NMT2: variants seen among roughly 807,000 people sequenced by gnomAD.
NMT2 encodes the protein glycylpeptide N-tetradecanoyltransferase 2.
NMT2 carries 35 observed loss-of-function variants against 65.4 expected under a neutral mutation model. The observed-to-expected ratio is 0.54, with a 90% CI of 0.41 to 0.71. NMT2 has a LOEUF of 0.71. Ranked by LOEUF, NMT2 falls within the 30% of genes least tolerant of loss-of-function variation. NMT2 has a pLI of 0.00. For synonymous variants in NMT2, 226 were observed against 231.8 expected, an observed-to-expected ratio of 0.98 and a Z score of 0.23; for missense variants, 489 against 611.3, an observed-to-expected ratio of 0.80 and a Z score of 2.11.
chr10:15,149,705 C>T (rs1199057526), intron 1 of NMT2, among the ~76,000 whole-genome samples: 1 of 151,998 alleles, frequency 6.6e-6, no homozygotes, highest in Non-Finnish European at 1.5e-5. Flanking sequence ...CTGTCACACT[C>T]GGAGGTAAGT....
chr10:15,130,786 CTT>C (rs765987022), intron 6 of NMT2, among the ~76,000 whole-genome samples: 2,670 of 100,984 alleles, frequency 0.026, 12 homozygotes, highest in African/African-American at 0.058. Flanking sequence ...TTCTTTCTTT[CTT>C]TTTTTTTTTT....
chr10:15,149,961 G>T (rs145204713), intron 1 of NMT2, among the ~76,000 whole-genome samples: 4 of 152,070 alleles, frequency 2.6e-5, no homozygotes, highest in African/African-American at 7.2e-5. Context: ...GCCTAATTGC[G>T]ATCTTTGGAC....
chr10:15,158,296 A>G (rs893123294), intron 1 of NMT2, among the ~76,000 whole-genome samples: 2 of 151,420 alleles, frequency 1.3e-5, no homozygotes, highest in Admixed American at 6.6e-5. Flanking sequence ...AGCCTGGGTA[A>G]CAGAGAGATA....
In NMT2 at chr10:15,109,789, GA is replaced by G; in HGVS notation, c.1388del (p.Phe463SerfsTer9). On this transcript the variant is annotated frameshift_variant, in exon 11 of 12. Coordinates refer to ENST00000378165, the MANE Select transcript of NMT2 (RefSeq NM_004808.3). LOFTEE classifies it high-confidence loss of function. ...NALDLMENKT[F>X]LEKLKFGIGD... is the part of the protein sequence containing the mutation. ...CTATACCAAACTTGAGTTTTTCCAA[GA>G]ATGTCTTATTTTCCATCAAATCCAG... 1.2e-6 allele frequency: 2 copies of G among 1,613,304 alleles called. No homozygotes were observed. Among genetic ancestry groups the G allele is most frequent in the Non-Finnish European group, 1.7e-6 (2 of 1,179,578 alleles).
chr10:15,149,640 A>G (rs1295953737), intron 1 of NMT2, among the ~76,000 whole-genome samples: 1 of 146,846 alleles, frequency 6.8e-6, no homozygotes, highest in East Asian at 2.0e-4. Context: ...ACTTCGCAAC[A>G]CTTACTATGT....
At chr10:15,164,023 C>T (rs1351361780) in intron 1 of NMT2, among the ~76,000 whole-genome samples, 1 of 151,664 alleles carries the variant, frequency 6.6e-6, no homozygotes, top group Non-Finnish European at 1.5e-5. Flanking sequence ...ACTAAAAATA[C>T]AAAAAAATTA....
chr10:15,135,474 T>G lies in NMT2; in HGVS notation c.247-56A>C. ...AGAGAGCGGCTGCTGATGTTAAACT[T>G]GAGCAGACGCACGTGCATCTGCCTC... is the stretch of plus-strand genomic sequence containing the variant. On this transcript the variant is annotated intron_variant, in intron 2 of 11. Coordinates refer to ENST00000378165, the MANE Select transcript of NMT2 (RefSeq NM_004808.3). 3 of 1,586,872 alleles carry G rather than the reference T, an allele frequency of 1.9e-6. No homozygotes were observed. The South Asian group carries it at 3.3e-5, about 18-fold the overall frequency.
At chr10:15,113,459 G>C (rs1845635787) in intron 9 of NMT2, among the ~76,000 whole-genome samples, 1 of 56,444 alleles carries the variant, frequency 1.8e-5, no homozygotes, top group Non-Finnish European at 2.7e-5. Flanking sequence ...GACAGGATGA[G>C]ACTCAAAAAA....
chr10:15,154,673 A>T (rs1441328769), intron 1 of NMT2: 2 of 437,606 alleles, frequency 4.6e-6, no homozygotes, highest in African/African-American at 2.0e-5. Flanking sequence ...AAAACATGGA[A>T]CCCAAAGGGA....
chr10:15,123,531 GAAAAAAAAAAAA>G (rs775699014), intron 8 of NMT2, among the ~76,000 whole-genome samples: 4 of 52,532 alleles, frequency 7.6e-5, no homozygotes, highest in Admixed American at 2.7e-4. Context: ...TCGTCTCACA[GAAAAAAAAAAAA>G]AAAAAAAAAA....
chr10:15,127,080 C>T (rs1487701962), intron 8 of NMT2, among the ~76,000 whole-genome samples: 1 of 149,696 alleles, frequency 6.7e-6, no homozygotes, highest in African/African-American at 2.5e-5. Context: ...ACTAAAAATA[C>T]AAAAATCAGT....
At chr10:15,151,881 C>G (rs1401123401) in intron 1 of NMT2, among the ~76,000 whole-genome samples, 1 of 152,162 alleles carries the variant, frequency 6.6e-6, no homozygotes, top group Non-Finnish European at 1.5e-5. Context: ...AAAAAACTAG[C>G]TGGGTGTGGT....
chr10:15,161,081 CAAAAAAA>C (rs750859200), intron 1 of NMT2, among the ~76,000 whole-genome samples: 5 of 19,274 alleles, frequency 2.6e-4, no homozygotes, highest in African/African-American at 7.0e-4. Flanking sequence ...CCTCAAAAAT[CAAAAAAA>C]AAAAAAAAAA....
At chr10:15,161,165 T>C (rs1833184082) in intron 1 of NMT2, among the ~76,000 whole-genome samples, 1 of 147,904 alleles carries the variant, frequency 6.8e-6, no homozygotes, top group Non-Finnish European at 1.5e-5. Context: ...AAAACGTTTA[T>C]GGAGTTTCAA....
chr10:15,127,199 C>A, intron 8 of NMT2, among the ~76,000 whole-genome samples: 1 of 151,582 alleles, frequency 6.6e-6, no homozygotes, highest in Non-Finnish European at 1.5e-5. Flanking sequence ...CCAGCCACTG[C>A]ACTCCAGCCT....
chr10:15,140,146 T>TTGAC (rs1288092903), intron 2 of NMT2, among the ~76,000 whole-genome samples: 3 of 151,942 alleles, frequency 2.0e-5, no homozygotes, highest in Admixed American at 1.3e-4. Context: ...GATTGATTGA[T>TTGAC]TGACATGGTC....
At chr10:15,163,786 G>A (rs1362060668) in intron 1 of NMT2, among the ~76,000 whole-genome samples, 1 of 152,158 alleles carries the variant, frequency 6.6e-6, no homozygotes, top group Non-Finnish European at 1.5e-5. Context: ...CCTAAATTGG[G>A]GATGGTAGAA....
intron 1 of NMT2, among the ~76,000 whole-genome samples, chr10:15,163,689 G>C (rs1833276858): frequency 6.6e-6 from 1 of 152,120 alleles, no homozygotes; most frequent in Non-Finnish European, 1.5e-5. Flanking sequence ...CTGACAAAGG[G>C]GAAGTTCCCA....
rs776257848 is a variant in NMT2, at chr10:15,132,906, C to A, written c.630G>T (p.Leu210=). 2.2e-5 allele frequency: 35 copies of A among 1,613,454 alleles called. No homozygotes were observed. Among genetic ancestry groups the A allele is most frequent in the Non-Finnish European group, 2.9e-5 (34 of 1,179,656 alleles). The change falls in exon 6 of 12, where the codon CTG becomes CTT. Residue 210 remains leucine, a synonymous_variant. Transcript: ENST00000378165. ...ACACTCTGACCCCACAGTGCCACTG[C>A]AGGAGCCAGCCTGGTGGACGCAGAG... is the stretch of plus-strand genomic sequence containing the variant. The part of the protein sequence containing the change: ...LWALRPPGWL[L]QWHCGVRVSS...
Sources: allele counts gnomAD v4.1 joint callset (sites outside exome capture counted in the v4.1 genomes callset), GRCh38; gene constraint gnomAD v4.1.1; transcripts MANE v1.5; gene names NCBI Gene and HGNC (gene_info 2026-07-23, HGNC 2026-07-21).